The following WDR44 variants were observed in gnomAD, a reference collection of about 807,000 sequenced individuals.
The protein encoded by WDR44 is WD repeat domain 44, also known as WD repeat-containing protein 44.
A neutral mutation model predicts 65.7 loss-of-function variants in WDR44; 9 were observed. The ratio of observed to expected loss-of-function variants is 0.14; its 90% CI spans 0.08 to 0.24. The LOEUF is 0.24. WDR44 is among the 10% of genes least tolerant of loss of function. The probability of loss-of-function intolerance (pLI) is 1.00; values close to 1 mark genes in which losing one functional copy is unlikely to be tolerated. For synonymous variants in WDR44, 220 were observed against 235.2 expected (o/e 0.94, Z 0.59); for missense variants, 425 against 670.9 (o/e 0.63, Z 4.05).
chrX:118,441,038 C>A (rs1407732853), intron 14 of WDR44, among the ~76,000 whole-genome samples: 1 of 95,243 alleles, frequency 1.0e-5, no homozygotes, highest in African/African-American at 4.1e-5. Context: ...TGGCTCACTG[C>A]AACCTCCACC....
chrX:118,410,395 G>C (rs1006425356), intron 11 of WDR44, among the ~76,000 whole-genome samples: 1 of 111,658 alleles, frequency 9.0e-6, no homozygotes, highest in African/African-American at 3.2e-5. Context: ...AATCCTGTGA[G>C]TATTGCTTGC....
chrX:118,407,020 A>G lies in WDR44; in HGVS notation c.1527A>G (p.Glu509=). 1 of 1,198,192 alleles carries G rather than the reference A, an allele frequency of 8.3e-7. No individual in the cohort carries two copies. The change falls in exon 10 of 20, where the codon GAA becomes GAG. Residue 509 remains glutamate (E), a synonymous_variant. Coordinates refer to ENST00000254029, the MANE Select transcript of WDR44 (RefSeq NM_019045.5). ...QIKVVQDLSG[E]HMGAVWTMKF... is the part of the protein sequence containing the mutation. Reference sequence around the variant, plus strand: ...AAGTGGTGCAAGATCTTAGTGGTGAACATATGGTAAGCAACTTTTTCATTT... The same window carrying G: ...AAGTGGTGCAAGATCTTAGTGGTGAGCATATGGTAAGCAACTTTTTCATTT...
intron 1 of WDR44, among the ~76,000 whole-genome samples, chrX:118,376,787 T>C (rs1409468466): frequency 9.0e-6 from 1 of 110,803 alleles, no homozygotes; most frequent in Non-Finnish European, 1.9e-5. Flanking sequence ...GTGGATTGCT[T>C]GAGCCCAGGA....
chrX:118,408,246 G>A (rs1459518806), intron 10 of WDR44, among the ~76,000 whole-genome samples: 1 of 110,796 alleles, frequency 9.0e-6, no homozygotes, highest in Non-Finnish European at 1.9e-5. Flanking sequence ...AACTTAAGAG[G>A]TTCATGTTCT....
intron 19 of WDR44, among the ~76,000 whole-genome samples, chrX:118,445,902 C>T (rs1286185825): frequency 8.2e-5 from 9 of 109,891 alleles, no homozygotes; most frequent in East Asian, 5.7e-4. Context: ...TGGTAGTGCA[C>T]GCCTGCAGTC....
rs2056829265 is a variant in WDR44, at chrX:118,392,639, A to C, written c.194A>C (p.Glu65Ala). ...LKQDVSKKIIESIIEESQKVL... is the reference protein window; with the variant it reads ...LKQDVSKKIIASIIEESQKVL... Reference sequence around the variant, plus strand: ...TTTTAACCCTTTCATCAGATTATTGAAAGTATTATTGAGGAGAGTCAGAAA... The same window carrying C: ...TTTTAACCCTTTCATCAGATTATTGCAAGTATTATTGAGGAGAGTCAGAAA... The change falls in exon 4 of 20, where the codon GAA becomes GCA. Residue 65 changes from glutamate to alanine, a missense_variant. Glu to Ala is a moderately radical substitution (Grantham distance 107). This residue lies in a region of WDR44 where 193 missense variants were observed against 209.0 expected (regional missense o/e 0.92). Coordinates refer to ENST00000254029, the MANE Select transcript of WDR44 (RefSeq NM_019045.5). 8.4e-7 allele frequency: 1 copy of C among 1,183,982 alleles called. No homozygotes were observed. Among genetic ancestry groups the C allele is most frequent in the Non-Finnish European group, 1.1e-6 (1 of 882,177 alleles).
At chrX:118,444,839 A>G (rs759690273) in intron 19 of WDR44, among the ~76,000 whole-genome samples, 2 of 111,277 alleles carry the variant, frequency 1.8e-5, no homozygotes, top group Admixed American at 9.6e-5. Context: ...GGCTCAAGCA[A>G]TGCACCCACC....
chrX:118,350,968 T>C (rs771932877), intron 1 of WDR44, among the ~76,000 whole-genome samples: 51 of 111,780 alleles, frequency 4.6e-4, no homozygotes, highest in African/African-American at 1.5e-3. Flanking sequence ...TCCTCACTTA[T>C]ACCATGCTAC....
rs1298413172 is a variant in WDR44 at position 118,395,316 on chromosome X, C to G, written c.1025C>G (p.Ser342Cys). The change falls in exon 6 of 20, where the codon TCC becomes TGC. Residue 342 changes from serine (S) to cysteine (C), a missense_variant. Ser to Cys is a moderately radical substitution (Grantham distance 112). Around this residue, in one of 5 missense-constraint regions of WDR44, gnomAD observed 77 missense variants for 183.5 expected, o/e 0.42. Coordinates refer to ENST00000254029, the MANE Select transcript of WDR44 (RefSeq NM_019045.5). ...GEVMGPQRPR[S>C]NSGRELTDEE... ...GTGATGGGCCCTCAGAGACCTAGATCCAACTCTGGGAGAGAGCTTACTGAT... is the reference window on the plus strand; with the variant it reads ...GTGATGGGCCCTCAGAGACCTAGATGCAACTCTGGGAGAGAGCTTACTGAT... 1 of 1,209,431 alleles carries G rather than the reference C, an allele frequency of 8.3e-7. No homozygotes were observed. The highest frequency in any genetic ancestry group is 1.1e-6 in the Non-Finnish European group (1 of 894,091).
Position 118,391,066 on chromosome X carries a change from TA to T in WDR44, c.187-1565del, listed in dbSNP as rs748245483. Among the ~76,000 whole-genome samples, 52 of 112,469 alleles carry T rather than the reference TA, an allele frequency of 4.6e-4. 1 individual carries two copies. The East Asian group carries it at 0.013, about 28-fold the overall frequency. On this transcript the variant is annotated intron_variant, in intron 3 of 19. Transcript: ENST00000254029. Reference sequence around the variant, plus strand: ...TGTGTATACTAGGTCTAATACACAGTAGGCCTTCTTTCCTTTCTTTTCCAGA... The same window carrying T: ...TGTGTATACTAGGTCTAATACACAGTGGCCTTCTTTCCTTTCTTTTCCAGA...
At chrX:118,446,294 A>G (rs1165274088) in intron 19 of WDR44, among the ~76,000 whole-genome samples, 1 of 110,105 alleles carries the variant, frequency 9.1e-6, no homozygotes, top group Non-Finnish European at 1.9e-5. Context: ...AAAAATATAT[A>G]TATATGGCAG....
chrX:118,422,188 G>A (rs1309994212), intron 12 of WDR44, among the ~76,000 whole-genome samples: 2 of 108,112 alleles, frequency 1.8e-5, no homozygotes, highest in Non-Finnish European at 3.8e-5. Flanking sequence ...GAGTCCAGGA[G>A]TTTGAGACCA....
chrX:118,378,365 A>G (rs1312262210), intron 1 of WDR44, 54 bp from the exon 2 acceptor site: 23 of 1,010,672 alleles, frequency 2.3e-5, no homozygotes, highest in Non-Finnish European at 3.2e-5. Flanking sequence ...GTATAGAAGT[A>G]TTTGTCTTCT....
At chrX:118,407,049 A>G in intron 10 of WDR44, 23 bp downstream of exon 10, 3 of 1,190,284 alleles carry the variant, frequency 2.5e-6, no homozygotes, top group Non-Finnish European at 3.4e-6. Flanking sequence ...TTCATTTTTT[A>G]GGATTGATAC....
intron 10 of WDR44, among the ~76,000 whole-genome samples, chrX:118,407,697 A>G (rs971938903): frequency 5.3e-5 from 6 of 112,290 alleles, no homozygotes; most frequent in African/African-American, 1.9e-4. Context: ...TATATGTTGT[A>G]AAGTGAGATA....
Position 118,394,133 on chromosome X carries a change from C to T in WDR44, c.905C>T (p.Pro302Leu). Residue 302 changes from proline to leucine, a missense_variant, in exon 5 of 20, where the codon CCT (proline) becomes CTT (leucine). Coordinates refer to ENST00000254029, the MANE Select transcript of WDR44 (RefSeq NM_019045.5). ...ASESTVKDSQPSLDLASATSG... is the reference protein window; with the variant it reads ...ASESTVKDSQLSLDLASATSG... ...GAAAGTACGGTTAAGGATTCTCAGC[C>T]TTCTCTTGATTTGGCAAGTGCTACC... 8.3e-7 allele frequency: 1 copy of T among 1,211,452 alleles called. No individual in the cohort carries two copies. Among genetic ancestry groups the T allele is most frequent in the Non-Finnish European group, 1.1e-6 (1 of 895,026 alleles).
At chrX:118,387,240 A>T in intron 2 of WDR44, 100 bp from the exon 3 acceptor site, 4 of 385,901 alleles carry the variant, frequency 1.0e-5, no homozygotes, top group Non-Finnish European at 1.3e-5. Context: ...AGGGCCTTTG[A>T]TTTATTAATG....
At chrX:118,351,696 T>G (rs924601402) in intron 1 of WDR44, among the ~76,000 whole-genome samples, 1 of 111,561 alleles carries the variant, frequency 9.0e-6, no homozygotes, top group Admixed American at 9.5e-5. Context: ...ACGCCTGTAA[T>G]CTCAGCAGTT....
chrX:118,424,339 A>ATATATATATATATATATATATG lies in WDR44; in HGVS notation c.1738-8433_1738-8432insATATATATATATGTATATATAT, dbSNP rs762485693. The stretch of plus-strand genomic sequence containing the variant: ...TGTGTGTGTGTATATATATATATAT[A>ATATATATATATATATATATATG]TATATATATGTATATATATATAATG... On this transcript the variant is annotated intron_variant, in intron 12 of 19. Coordinates refer to ENST00000254029, the MANE Select transcript of WDR44 (RefSeq NM_019045.5). 1.8e-3 allele frequency among the ~76,000 whole-genome samples: 157 copies of ATATATATATATATATATATATG among 85,239 alleles called. 1 individual carries two copies. The highest frequency in any genetic ancestry group is 7.5e-3 in the African/African-American group (125 of 16,622). 74.0% of individuals were successfully genotyped at this position (85,239 alleles called of 115,157 possible). A position where few individuals can be genotyped will look rare whatever the true frequency, so the allele number is the denominator to read the frequency against.
Sources: allele counts gnomAD v4.1 joint callset (sites outside exome capture counted in the v4.1 genomes callset), GRCh38; gene constraint gnomAD v4.1.1; regional missense constraint gnomAD v4.1.1; transcripts MANE v1.5; gene names NCBI Gene and HGNC (gene_info 2026-07-23, HGNC 2026-07-21).